POLR2M: variants seen among roughly 807,000 people sequenced by gnomAD.
The protein encoded by POLR2M is protein GRINL1A.
A neutral mutation model predicts 34.6 loss-of-function variants in POLR2M; 30 were observed. The observed-to-expected ratio is 0.87, with a 90% CI of 0.65 to 1.18. The LOEUF is 1.18. Among genes scored for constraint, POLR2M ranks in the 50% most tolerant of loss-of-function variants. POLR2M has a pLI of 0.00. For synonymous variants in POLR2M, 150 were observed against 166.7 expected (o/e 0.90, Z 0.77); for missense variants, 432 against 448.7 (o/e 0.96, Z 0.34).
intron 1 of POLR2M, chr15:57,707,279 C>A (rs1219322987): frequency 2.4e-6 from 2 of 816,832 alleles, no homozygotes; most frequent in African/African-American, 1.7e-5. Context: ...TTGTCGCCCG[C>A]ACCCCTAACC....
At chr15:57,713,825 T>C (rs1264126819) in intron 3 of POLR2M, among the ~76,000 whole-genome samples, 25 of 8,694 alleles carry the variant, frequency 2.9e-3, no homozygotes, top group African/African-American at 5.1e-3. Flanking sequence ...TCCTTCTTTT[T>C]TTTTTTTTTT....
rs372856991 is a variant in POLR2M at position 57,709,201 on chromosome 15, A to G, written c.601A>G (p.Ile201Val). The G allele has an allele frequency of 5.6e-6, 9 of 1,614,110 alleles. No individual in the cohort carries two copies. The highest frequency in any genetic ancestry group is 7.6e-6 in the Non-Finnish European group (9 of 1,180,052). Residue 201 changes from isoleucine (I) to valine (V), a missense_variant, in exon 2 of 4, where the codon ATT becomes GTT. Coordinates refer to ENST00000299638, the MANE Select transcript of POLR2M (RefSeq NM_015532.5). Reference protein sequence around the residue: ...LFIDRLQRITIADQGEQQSEE... With the variant: ...LFIDRLQRITVADQGEQQSEE... ...TATTGACAGGTTACAGAGGATCACC[A>G]TTGCGGACCAAGGTGAACAACAGTC... is the stretch of plus-strand genomic sequence containing the variant.
rs2040886458 is a variant in POLR2M, at chr15:57,715,020, G to A, written c.*341G>A. ...TTTCCTTTTTCTTACCTATCAAATA[G>A]CATTTATTACATGTCTTTCAGTGAA... On this transcript the variant is annotated 3_prime_UTR_variant, in exon 4 of 4. Coordinates refer to ENST00000299638, the MANE Select transcript of POLR2M (RefSeq NM_015532.5). 9.7e-6 allele frequency: 2 copies of A among 207,202 alleles called. No individual in the cohort carries two copies. Among genetic ancestry groups the A allele is most frequent in the South Asian group, 1.9e-4 (2 of 10,710 alleles). 12.8% of individuals were successfully genotyped at this position (207,202 alleles called of 1,614,324 possible).
In POLR2M at chr15:57,709,154, C is replaced by G. The variant is rs1415283720; in HGVS notation, c.554C>G (p.Ser185Cys). ...HRVSSQAEDT[S>C]SSFDNLFIDR... ...GTTTCAAGTCAAGCGGAAGATACTT[C>G]CAGCAGCTTTGACAACCTGTTTATT... Residue 185 changes from serine to cysteine, a missense_variant, in exon 2 of 4, where the codon TCC (serine) becomes TGC (cysteine). Coordinates refer to ENST00000299638, the MANE Select transcript of POLR2M (RefSeq NM_015532.5). 5 of 1,614,076 alleles carry G rather than the reference C, an allele frequency of 3.1e-6. No individual in the cohort carries two copies. In the African/African-American group the frequency reaches 6.7e-5, roughly 22 times the overall value.
In POLR2M at chr15:57,716,705, A is replaced by G. The variant is rs2040959680; in HGVS notation, c.*2026A>G. 1 of 152,116 alleles carries G rather than the reference A, an allele frequency of 6.6e-6. No individual in the cohort carries two copies. Among genetic ancestry groups the G allele is most frequent in the Admixed American group, 6.5e-5 (1 of 15,282 alleles). 9.4% of individuals were successfully genotyped at this position (152,116 alleles called of 1,614,324 possible). ...TATTTTTTCTGTTGCTTGCTTGGAG[A>G]ATTTGCTCTTTTTTTGGCATATAAG... is the stretch of plus-strand genomic sequence containing the variant. On this transcript the variant is annotated 3_prime_UTR_variant, in exon 4 of 4. Coordinates refer to ENST00000299638, the MANE Select transcript of POLR2M (RefSeq NM_015532.5).
Position 57,706,955 on chromosome 15 carries a change from A to T in POLR2M, c.113A>T (p.Glu38Val), listed in dbSNP as rs1183066433. 4 of 1,593,340 alleles carry T rather than the reference A, an allele frequency of 2.5e-6. No individual in the cohort carries two copies. Among genetic ancestry groups the T allele is most frequent in the Non-Finnish European group, 3.4e-6 (4 of 1,169,908 alleles). Residue 38 changes from glutamate to valine, a missense_variant and splice_region_variant, in exon 1 of 4, where the codon GAA becomes GTA. Transcript: ENST00000299638. ...CGCCAGGAGAGACTTTTGCGCAACG[A>T]GTAAGCTGGGGTCCCGCGGAGTCTC... ...LKRQERLLRN[E>V]KFICKLPDKG...
Position 57,714,535 on chromosome 15 carries a change from G to T in POLR2M, c.964-1G>T. ...TTTGTGCTTTGCTCTTTGTTTTAAA[G>T]GAGATGCAAGCAAAGCTCGCAGCGC... On this transcript the variant is annotated splice_acceptor_variant, in intron 3 of 3. Coordinates refer to ENST00000299638, the MANE Select transcript of POLR2M (RefSeq NM_015532.5). LOFTEE classifies it high-confidence loss of function. 1 of 1,613,202 alleles carries T rather than the reference G, an allele frequency of 6.2e-7. No homozygotes were observed. The highest frequency in any genetic ancestry group is 8.5e-7 in the Non-Finnish European group (1 of 1,179,696).
intron 2 of POLR2M, 36 bp downstream of exon 2, chr15:57,709,394 G>A (rs200831988): frequency 6.4e-6 from 10 of 1,568,632 alleles, no homozygotes; most frequent in African/African-American, 2.7e-5. Context: ...TAACAGGAAC[G>A]TGATATTTGT....
At chr15:57,713,854 T>C (rs1463066501) in intron 3 of POLR2M, among the ~76,000 whole-genome samples, 1 of 51,714 alleles carries the variant, frequency 1.9e-5, no homozygotes, top group East Asian at 3.8e-4. Flanking sequence ...TTTTTTTTTT[T>C]TTTTTGAGAC....
chr15:57,714,068 C>T (rs1167567956), intron 3 of POLR2M, among the ~76,000 whole-genome samples: 3 of 151,894 alleles, frequency 2.0e-5, no homozygotes, highest in East Asian at 1.9e-4. Context: ...AGGATGGTCT[C>T]GATCTCCTGA....
At chr15:57,709,661 T>C (rs1360562259) in intron 2 of POLR2M, among the ~76,000 whole-genome samples, 1 of 152,198 alleles carries the variant, frequency 6.6e-6, no homozygotes, top group Non-Finnish European at 1.5e-5. Context: ...AGAAGATTCA[T>C]GTTGAAAAAT....
chr15:57,706,765 C>G lies in POLR2M; in HGVS notation c.-78C>G. On this transcript the variant is annotated 5_prime_UTR_variant, in exon 1 of 4. Coordinates refer to ENST00000299638, the MANE Select transcript of POLR2M (RefSeq NM_015532.5). ...GCTCGTGCCCCGGAGTCACCGCCGT[C>G]CGCGGATCCGGCGCTAGTAGCGGGG... is the stretch of plus-strand genomic sequence containing the variant. The G allele has an allele frequency of 6.7e-7, 1 of 1,493,162 alleles. No homozygotes were observed. Among genetic ancestry groups the G allele is most frequent in the Non-Finnish European group, 9.0e-7 (1 of 1,106,954 alleles). The allele number at this position is 1,493,162 out of a possible 1,614,324, so 92.5% of individuals were successfully genotyped here.
rs760900728 is a variant in POLR2M at position 57,712,192 on chromosome 15, T to C, written c.963+4T>C. On this transcript the variant is annotated splice_donor_region_variant and intron_variant, in intron 3 of 3. Coordinates refer to ENST00000299638, the MANE Select transcript of POLR2M (RefSeq NM_015532.5). ...ACAGCAGAAACAGAATTATGAGGTA[T>C]TTAGAGTATTTTTTTTCTTGTCTGT... is the stretch of plus-strand genomic sequence containing the variant. The C allele has an allele frequency of 6.2e-7, 1 of 1,613,602 alleles. No homozygotes were observed. The highest frequency in any genetic ancestry group is 2.2e-5 in the East Asian group (1 of 44,888).
chr15:57,707,031 A>G (rs2040514490), intron 1 of POLR2M, 76 bp downstream of exon 1: 1 of 1,551,452 alleles, frequency 6.4e-7, no homozygotes, highest in Admixed American at 2.0e-5. Context: ...CCCCTCCCGC[A>G]CTCTGTTCCC....
At chr15:57,714,038 G>A (rs1209566721) in intron 3 of POLR2M, among the ~76,000 whole-genome samples, 3 of 151,594 alleles carry the variant, frequency 2.0e-5, no homozygotes, top group African/African-American at 2.4e-5. Context: ...TAGTAGAGAC[G>A]GGGATTCATC....
intron 1 of POLR2M, among the ~76,000 whole-genome samples, chr15:57,708,479 T>G (rs1259242619): frequency 1.3e-5 from 2 of 152,196 alleles, no homozygotes; most frequent in Non-Finnish European, 2.9e-5. Flanking sequence ...AATTCTAATT[T>G]GCTGAGACAA....
At chr15:57,711,206 T>C (rs1349457158) in intron 2 of POLR2M, among the ~76,000 whole-genome samples, 1 of 152,214 alleles carries the variant, frequency 6.6e-6, no homozygotes, top group Non-Finnish European at 1.5e-5. Context: ...CATGAAGACC[T>C]ACTTATTTCT....
Position 57,712,108 on chromosome 15 carries a change from C to G in POLR2M, c.883C>G (p.Pro295Ala). 6.2e-7 allele frequency: 1 copy of G among 1,614,148 alleles called. No individual in the cohort carries two copies. Among genetic ancestry groups the G allele is most frequent in the Non-Finnish European group, 8.5e-7 (1 of 1,180,032 alleles). ...LDDITAARLL[P>A]LHHMPTQLLS... ...TGACATCACAGCAGCTCGGCTTCTA[C>G]CACTTCACCATATGCCCACGCAGCT... The change falls in exon 3 of 4, where the codon CCA (proline) becomes GCA (alanine). Residue 295 changes from proline to alanine, a missense_variant. Coordinates refer to ENST00000299638, the MANE Select transcript of POLR2M (RefSeq NM_015532.5).
chr15:57,708,376 C>A (rs1595981545), intron 1 of POLR2M, among the ~76,000 whole-genome samples: 1 of 152,194 alleles, frequency 6.6e-6, no homozygotes, highest in East Asian at 1.9e-4. Context: ...CCACACTCCA[C>A]CCCATCCCCA....
Sources: allele counts gnomAD v4.1 joint callset (sites outside exome capture counted in the v4.1 genomes callset), GRCh38; gene constraint gnomAD v4.1.1; transcripts MANE v1.5; gene names NCBI Gene and HGNC (gene_info 2026-07-23, HGNC 2026-07-21).